PARP14: variants seen among roughly 807,000 people sequenced by gnomAD.
The protein encoded by PARP14 is poly(ADP-ribose) polymerase family member 14.
In PARP14, 59 loss-of-function variants were observed where a neutral mutation model predicts 154.2. The ratio of observed to expected loss-of-function variants is 0.38; its 90% confidence interval spans 0.31 to 0.48. PARP14 has a LOEUF of 0.48. Among genes scored for constraint, PARP14 ranks in the 20% least tolerant of loss-of-function variants. The pLI is 0.98. For synonymous variants in PARP14, 720 were observed against 780.5 expected (o/e 0.92, Z 1.29); for missense variants, 1,734 against 2,131.6 (o/e 0.81, Z 3.67).
chr3:122,720,545 C>A (rs530328633), intron 15 of PARP14, 157 bp downstream of exon 15: 19 of 699,744 alleles, frequency 2.7e-5, no homozygotes, highest in South Asian at 2.7e-4. Flanking sequence ...ACTCATGTGA[C>A]CATAATTACT....
Position 122,713,411 on chromosome 3 carries a change from C to CT in PARP14, c.3620-9dup. 6.2e-7 allele frequency: 1 copy of CT among 1,604,424 alleles called. No individual in the cohort carries two copies. Among genetic ancestry groups the CT allele is most frequent in the Non-Finnish European group, 8.5e-7 (1 of 1,173,938 alleles). On this transcript the variant is annotated splice_polypyrimidine_tract_variant and intron_variant, in intron 9 of 16. Coordinates refer to ENST00000474629, the MANE Select transcript of PARP14 (RefSeq NM_017554.3). ...GCTGACTCGGTTATTGACTTTACTT[C>CT]TTTTCTTTTCAGGTTTTTATGGGAC...
chr3:122,728,665 C>CT lies in PARP14; in HGVS notation c.*78dup, dbSNP rs1057007399. ...TATCTAGTTGTAAAACAAGTTTTAG[C>CT]TTTTTTTTTTAATTCCTCTTAACAG... is the stretch of plus-strand genomic sequence containing the variant. On this transcript the variant is annotated 3_prime_UTR_variant, in exon 17 of 17. Coordinates refer to ENST00000474629, the MANE Select transcript of PARP14 (RefSeq NM_017554.3). 3.0e-3 allele frequency: 3,456 copies of CT among 1,144,552 alleles called. No homozygotes were observed. Among genetic ancestry groups the CT allele is most frequent in the Non-Finnish European group, 3.5e-3 (2,867 of 824,284 alleles). The allele number at this position is 1,144,552 out of a possible 1,614,324, so 70.9% of individuals were successfully genotyped here.
intron 12 of PARP14, among the ~76,000 whole-genome samples, chr3:122,715,579 A>T (rs546065749): frequency 6.6e-6 from 1 of 151,250 alleles, no homozygotes; most frequent in African/African-American, 2.4e-5. Context: ...CATTTCTCCT[A>T]TCTCTCTCTA....
At position 122,701,681 on chromosome 3, in the gene PARP14, C is replaced by G; in HGVS notation, c.3081+46C>G. The G allele has an allele frequency of 7.4e-7, 1 of 1,345,030 alleles. No individual in the cohort carries two copies. Among genetic ancestry groups the G allele is most frequent in the Non-Finnish European group, 1.0e-6 (1 of 987,526 alleles). 83.3% of individuals were successfully genotyped at this position (1,345,030 alleles called of 1,614,324 possible). A position where few individuals can be genotyped will look rare whatever the true frequency, so the allele number is the denominator to read the frequency against. On this transcript the variant is annotated intron_variant, in intron 6 of 16. Transcript: ENST00000474629. The surrounding 1 kb of genome is among the most constrained non-coding windows in gnomAD (Gnocchi z 4.0). ...ACACCACCAGGGCACTGTGACTTTA[C>G]TTAGTCAGTGGCTCTCTCATGGAGG... is the stretch of plus-strand genomic sequence containing the variant.
chr3:122,708,143 T>A, intron 8 of PARP14, 47 bp from the exon 9 acceptor site: 1 of 982,380 alleles, frequency 1.0e-6, no homozygotes, highest in Non-Finnish European at 1.6e-6. Context: ...TTCCAATTTA[T>A]TCATTTACTG....
At chr3:122,717,849 T>G (rs559700784) in intron 12 of PARP14, among the ~76,000 whole-genome samples, 11 of 152,316 alleles carry the variant, frequency 7.2e-5, no homozygotes, top group African/African-American at 2.6e-4. Context: ...GGTCCTTTGT[T>G]CACTGCTAGG....
rs1397913727 is a variant in PARP14 at position 122,726,964 on chromosome 3, G to A, written c.4942-848G>A. Among the ~76,000 whole-genome samples the A allele has an allele frequency of 3.5e-5, 5 of 143,596 alleles. No homozygotes were observed. In the East Asian group the frequency reaches 1.1e-3, roughly 33 times the overall value. 94.2% of individuals were successfully genotyped at this position (143,596 alleles called of 152,430 possible). On this transcript the variant is annotated intron_variant, in intron 15 of 16. Transcript: ENST00000474629. ...GAGACTTTGAATTAGAGTGCGAATTGTATCTTAATTAAAAAGAGAAAACCC... is the reference window on the plus strand; with the variant it reads ...GAGACTTTGAATTAGAGTGCGAATTATATCTTAATTAAAAAGAGAAAACCC...
Position 122,729,000 on chromosome 3 carries a change from AGTGG to A in PARP14, c.*406_*409del, listed in dbSNP as rs2107657976. 5.8e-6 allele frequency: 1 copy of A among 172,462 alleles called. No individual in the cohort carries two copies. Among genetic ancestry groups the A allele is most frequent in the Non-Finnish European group, 1.3e-5 (1 of 79,714 alleles). The allele number at this position is 172,462 out of a possible 1,614,324, so 10.7% of individuals were successfully genotyped here. A position where few individuals can be genotyped will look rare whatever the true frequency, so the allele number is the denominator to read the frequency against. On this transcript the variant is annotated 3_prime_UTR_variant, in exon 17 of 17. Transcript: ENST00000474629. The stretch of plus-strand genomic sequence containing the variant: ...TGCTGTGGGGAGCACAGTATTACCC[AGTGG>A]GTAGGGCTTCTGTCTTCCCTGGGAG...
At chr3:122,714,487 T>C in intron 12 of PARP14, 58 bp downstream of exon 12, 1 of 1,372,910 alleles carries the variant, frequency 7.3e-7, no homozygotes, top group Non-Finnish European at 9.9e-7. Flanking sequence ...CCCTTTCATT[T>C]GGAGCTGAGT....
intron 6 of PARP14, among the ~76,000 whole-genome samples, chr3:122,702,544 A>G (rs1939011249): frequency 6.6e-6 from 1 of 152,122 alleles, no homozygotes; most frequent in Non-Finnish European, 1.5e-5. Context: ...TTTGACATGC[A>G]TGTTCTCATT....
Position 122,725,242 on chromosome 3 carries a change from C to T in PARP14, c.4942-2570C>T, listed in dbSNP as rs532848535. On this transcript the variant is annotated intron_variant, in intron 15 of 16. Transcript: ENST00000474629. ...CCCATACGGGGCGGTTGGGCAGAGG[C>T]GCTCACTTCCTAGACAGGGCGGCCG... Among the ~76,000 whole-genome samples, 17 of 152,034 alleles carry T rather than the reference C, an allele frequency of 1.1e-4. No individual in the cohort carries two copies. In the South Asian group the frequency reaches 1.9e-3, roughly 17 times the overall value.
chr3:122,716,185 A>C (rs1030384645), intron 12 of PARP14, among the ~76,000 whole-genome samples: 4 of 152,346 alleles, frequency 2.6e-5, no homozygotes, highest in African/African-American at 9.6e-5. Flanking sequence ...AGACACCTGC[A>C]TAAGAGGAGA....
rs1270041689 is a variant in PARP14 at position 122,701,731 on chromosome 3, T to A, written c.3081+96T>A. ...GGCTGAAGAAAGATAAGGACCAAGG[T>A]GAGAATCAAGGGAGAGAATCCCATG... On this transcript the variant is annotated intron_variant, in intron 6 of 16. Transcript: ENST00000474629. This position sits in a 1 kb window ranked among gnomAD's most constrained non-coding sequence, Gnocchi z 4.0. 7.6e-6 allele frequency: 7 copies of A among 921,366 alleles called. No individual in the cohort carries two copies. The Admixed American group carries it at 2.0e-4, about 27-fold the overall frequency. The allele number at this position is 921,366 out of a possible 1,614,324, so 57.1% of individuals were successfully genotyped here.
intron 12 of PARP14, among the ~76,000 whole-genome samples, chr3:122,717,415 T>C (rs1421375394): frequency 2.0e-5 from 3 of 152,264 alleles, no homozygotes; most frequent in Non-Finnish European, 4.4e-5. Context: ...GGAAACGCTC[T>C]GCTTCAGGTG....
In PARP14 at chr3:122,701,925, T is replaced by C. The variant is rs1468764338; in HGVS notation, c.3081+290T>C. Among the ~76,000 whole-genome samples, 1 of 152,222 alleles carries C rather than the reference T, an allele frequency of 6.6e-6. No individual in the cohort carries two copies. Among genetic ancestry groups the C allele is most frequent in the African/African-American group, 2.4e-5 (1 of 41,458 alleles). On this transcript the variant is annotated intron_variant, in intron 6 of 16. Coordinates refer to ENST00000474629, the MANE Select transcript of PARP14 (RefSeq NM_017554.3). This position sits in a 1 kb window ranked among gnomAD's most constrained non-coding sequence, Gnocchi z 4.0. ...CCATAATATCACACGTTTAGACAGT[T>C]CTCTATACCTTACACCTGCCGTGTT...
At chr3:122,714,153 T>A in intron 11 of PARP14, 109 bp from the exon 12 acceptor site, 1 of 961,768 alleles carries the variant, frequency 1.0e-6, no homozygotes, top group Non-Finnish European at 1.5e-6. Context: ...TTTCAGGAGT[T>A]TTTTTTTTTT....
chr3:122,709,873 C>T (rs755366678), intron 9 of PARP14, among the ~76,000 whole-genome samples: 1 of 145,756 alleles, frequency 6.9e-6, no homozygotes, highest in Non-Finnish European at 1.5e-5. Flanking sequence ...CCTTTGCTGA[C>T]TTTTTGATGG....
intron 15 of PARP14, chr3:122,722,322 G>T (rs1933182708): frequency 6.6e-6 from 1 of 151,980 alleles, no homozygotes; most frequent in Non-Finnish European, 1.5e-5. Flanking sequence ...GCTCTATGAT[G>T]GTCTATTTCT....
chr3:122,704,269 A>C (rs921855984), intron 7 of PARP14, among the ~76,000 whole-genome samples: 6 of 152,254 alleles, frequency 3.9e-5, no homozygotes, highest in Non-Finnish European at 5.9e-5. Context: ...GAGGGTGTGA[A>C]GAATGGAAGA....
Sources: gnomAD v4.1 joint callset for allele counts (sites outside exome capture counted in the v4.1 genomes callset) on GRCh38, gnomAD v4.1.1 for gene constraint, Gnocchi (gnomAD v3.1) non-coding constraint, MANE v1.5 for transcripts, NCBI Gene and HGNC (gene_info 2026-07-23, HGNC 2026-07-21) for gene names.